The following CCNJL variants were observed in gnomAD, a reference collection of about 807,000 sequenced individuals.
CCNJL encodes the protein cyclin-J-like protein.
Under a neutral mutation model 33.4 loss-of-function variants are expected in CCNJL, and 33 were observed. The observed-to-expected ratio is 0.99, with a 90% CI of 0.75 to 1.32. CCNJL has a LOEUF of 1.32. Ranked by LOEUF, CCNJL falls within the 40% of genes most tolerant of loss-of-function variation. The probability of loss-of-function intolerance (pLI) is 0.00; values close to 1 mark genes in which losing one functional copy is unlikely to be tolerated. For synonymous variants in CCNJL, 227 were observed against 220.9 expected, an observed-to-expected ratio of 1.03 and a Z score of -0.24; for missense variants, 512 against 499.7, an observed-to-expected ratio of 1.02 and a Z score of -0.23.
intron 1 of CCNJL, among the ~76,000 whole-genome samples, chr5:160,321,220 A>C (rs1763459309): frequency 6.6e-6 from 1 of 151,968 alleles, no homozygotes; most frequent in Non-Finnish European, 1.5e-5. Flanking sequence ...TGCAGGGAAC[A>C]ATGGGATAAG....
chr5:160,293,843 G>A (rs1762665644), intron 2 of CCNJL, among the ~76,000 whole-genome samples: 1 of 152,114 alleles, frequency 6.6e-6, no homozygotes, highest in Admixed American at 6.5e-5. Context: ...ATACTTGGAG[G>A]GCGACAACCA....
intron 3 of CCNJL, among the ~76,000 whole-genome samples, chr5:160,267,767 G>T (rs1010616437): frequency 1.3e-5 from 2 of 152,118 alleles, no homozygotes; most frequent in African/African-American, 2.4e-5. Context: ...TCACTATGTT[G>T]CCCAGGCTGG....
intron 3 of CCNJL, among the ~76,000 whole-genome samples, chr5:160,271,611 G>C (rs945896995): frequency 6.6e-6 from 1 of 152,206 alleles, no homozygotes; most frequent in African/African-American, 2.4e-5. Context: ...TTCGAGCCCC[G>C]TGCCCAGATT....
At chr5:160,316,564 T>C (rs1449060300), upstream of CCNJL, among the ~76,000 whole-genome samples, 1 of 152,176 alleles carries the variant, frequency 6.6e-6, no homozygotes, top group Non-Finnish European at 1.5e-5. Context: ...CATGGAAAAA[T>C]GTACACGTTC....
chr5:160,299,759 T>C (rs954053942), intron 2 of CCNJL, among the ~76,000 whole-genome samples: 10 of 152,292 alleles, frequency 6.6e-5, no homozygotes, highest in African/African-American at 2.4e-4. Flanking sequence ...TGTTATCTTT[T>C]TAAATTTCCA....
intron 1 of CCNJL, among the ~76,000 whole-genome samples, chr5:160,336,099 G>A (rs944638314): frequency 1.3e-5 from 2 of 152,160 alleles, no homozygotes; most frequent in Non-Finnish European, 2.9e-5. Flanking sequence ...GCCATCTATA[G>A]ACTGAGGACT....
intron 1 of CCNJL, chr5:160,326,774 A>T: frequency 3.4e-6 from 3 of 887,852 alleles, no homozygotes; most frequent in Non-Finnish European, 5.6e-6. Context: ...AACTTACAAA[A>T]TAGATCGCAG....
intron 2 of CCNJL, among the ~76,000 whole-genome samples, chr5:160,285,709 C>T (rs1382292400): frequency 6.6e-6 from 1 of 152,254 alleles, no homozygotes; most frequent in East Asian, 1.9e-4. Context: ...GCCAGCCAGG[C>T]AGGGTGTGCC....
chr5:160,267,938 A>G (rs553037056), intron 3 of CCNJL, among the ~76,000 whole-genome samples: 1 of 152,310 alleles, frequency 6.6e-6, no homozygotes, highest in Non-Finnish European at 1.5e-5. Context: ...CCTTTCCACT[A>G]AAGAGCTATA....
At chr5:160,292,386 T>C (rs573196117) in intron 2 of CCNJL, among the ~76,000 whole-genome samples, 20 of 152,038 alleles carry the variant, frequency 1.3e-4, no homozygotes, top group Admixed American at 4.6e-4. Context: ...CTTTGGGAGA[T>C]TGAGGTGGGA....
rs1268276458 is a variant in CCNJL at position 160,251,305 on chromosome 5, AC to A, written c.*2072del. 3 of 152,186 alleles carry A rather than the reference AC, an allele frequency of 2.0e-5. No homozygotes were observed. Among genetic ancestry groups the A allele is most frequent in the African/African-American group, 7.2e-5 (3 of 41,432 alleles). The allele number at this position is 152,186 out of a possible 1,614,324, so 9.4% of individuals were successfully genotyped here. A position where few individuals can be genotyped will look rare whatever the true frequency, so the allele number is the denominator to read the frequency against. On this transcript the variant is annotated 3_prime_UTR_variant, in exon 6 of 6. Coordinates refer to ENST00000257536, the MANE Select transcript of CCNJL (RefSeq NM_001308173.3). ...GAACTCTACTGCAACATCAGCTCTT[AC>A]CTGAATTTCCAGCCTGCTGACATGC...
intron 2 of CCNJL, among the ~76,000 whole-genome samples, chr5:160,304,780 T>C (rs1381019836): frequency 6.6e-6 from 1 of 151,314 alleles, no homozygotes; most frequent in African/African-American, 2.4e-5. Flanking sequence ...CCCAAATCCA[T>C]GAGCCCTTTG....
chr5:160,327,605 G>A (rs183696549), intron 1 of CCNJL, among the ~76,000 whole-genome samples: 3 of 152,348 alleles, frequency 2.0e-5, no homozygotes, highest in African/African-American at 7.2e-5. Flanking sequence ...CCCCCAACAA[G>A]GTGGGCCAGG....
At chr5:160,327,432 G>A (rs1763551622) in intron 1 of CCNJL, among the ~76,000 whole-genome samples, 1 of 152,248 alleles carries the variant, frequency 6.6e-6, no homozygotes, top group African/African-American at 2.4e-5. Flanking sequence ...GATACCTGTT[G>A]CACAGCCACT....
intron 3 of CCNJL, among the ~76,000 whole-genome samples, chr5:160,280,035 T>C (rs183627789): frequency 6.6e-6 from 1 of 152,192 alleles, no homozygotes; most frequent in African/African-American, 2.4e-5. Context: ...ACACAATGGG[T>C]CCTGCTTAGG....
chr5:160,329,592 A>G (rs1278041698), intron 1 of CCNJL, among the ~76,000 whole-genome samples: 2 of 151,820 alleles, frequency 1.3e-5, no homozygotes, highest in Non-Finnish European at 2.9e-5. Context: ...CTCATGACCC[A>G]CCCACCTTGG....
intron 1 of CCNJL, among the ~76,000 whole-genome samples, chr5:160,328,076 T>A (rs1024069468): frequency 3.1e-4 from 47 of 152,232 alleles, no homozygotes; most frequent in African/African-American, 1.1e-3. Context: ...GTACAGAGGC[T>A]CACGCAGGAG....
At chr5:160,320,959 CCTCT>C (rs756319120) in intron 1 of CCNJL, among the ~76,000 whole-genome samples, 4 of 141,984 alleles carry the variant, frequency 2.8e-5, no homozygotes, top group Admixed American at 7.0e-5. Flanking sequence ...CTCCTTCTCT[CCTCT>C]CTGTCTCTCC....
At chr5:160,329,507 C>G (rs1272309821) in intron 1 of CCNJL, among the ~76,000 whole-genome samples, 1 of 152,016 alleles carries the variant, frequency 6.6e-6, no homozygotes, top group South Asian at 2.1e-4. Context: ...CCCACCACCA[C>G]GCCGGCTAAT....
Sources: allele counts gnomAD v4.1 joint callset (sites outside exome capture counted in the v4.1 genomes callset), GRCh38; gene constraint gnomAD v4.1.1; transcripts MANE v1.5; gene names NCBI Gene and HGNC (gene_info 2026-07-23, HGNC 2026-07-21).